The following TMEM123 variants were observed in gnomAD, a reference collection of about 807,000 sequenced individuals.
TMEM123 encodes transmembrane protein 123.
TMEM123 carries 16 observed loss-of-function variants against 19.7 expected under a neutral mutation model. That is an observed-to-expected ratio of 0.81 (90% CI 0.55 to 1.23). The LOEUF is 1.23. Among genes scored for constraint, TMEM123 ranks in the 50% most tolerant of loss-of-function variants. TMEM123 has a pLI of 0.00. For synonymous variants in TMEM123, 118 were observed against 99.4 expected, an observed-to-expected ratio of 1.19 and a Z score of -1.12; for missense variants, 313 against 257.8, an observed-to-expected ratio of 1.21 and a Z score of -1.47.
intron 4 of TMEM123, among the ~76,000 whole-genome samples, chr11:102,400,475 C>T (rs549888466): frequency 9.2e-5 from 14 of 152,314 alleles, no homozygotes; most frequent in African/African-American, 3.1e-4. Flanking sequence ...GTGTGTGGGA[C>T]ACATGTATGT....
chr11:102,423,902 C>T (rs931108244), intron 2 of TMEM123, among the ~76,000 whole-genome samples: 3 of 151,960 alleles, frequency 2.0e-5, no homozygotes, highest in Non-Finnish European at 4.4e-5. Flanking sequence ...TTATTAACTC[C>T]TACAATTTTT....
At chr11:102,432,467 A>G (rs1405472875) in intron 2 of TMEM123, among the ~76,000 whole-genome samples, 1 of 152,196 alleles carries the variant, frequency 6.6e-6, no homozygotes, top group Non-Finnish European at 1.5e-5. Context: ...TGGAACTAGA[A>G]CTCGAGAGAC....
At position 102,398,755 on chromosome 11, in the gene TMEM123, G is replaced by T; in HGVS notation, c.*112C>A. ...GTAATACACTGTACATTATATGCAT[G>T]GCCTGTTTATACTATTTTCAAAAAG... is the stretch of plus-strand genomic sequence containing the variant. On this transcript the variant is annotated 3_prime_UTR_variant, in exon 5 of 5. Transcript: ENST00000398136. 1 of 1,042,668 alleles carries T rather than the reference G, an allele frequency of 9.6e-7. No homozygotes were observed. The allele number at this position is 1,042,668 out of a possible 1,614,324, so 64.6% of individuals were successfully genotyped here.
In TMEM123 at chr11:102,397,267, G is replaced by C. The variant is rs572008819; in HGVS notation, c.*1600C>G. On this transcript the variant is annotated 3_prime_UTR_variant, in exon 5 of 5. Transcript: ENST00000398136. ...CATTTCAAAATTCTTAATATCTAGC[G>C]TTCTCTGTAAAACAAAAGCTGACAA... 6.6e-6 allele frequency: 1 copy of C among 151,964 alleles called. No homozygotes were observed. Among genetic ancestry groups the C allele is most frequent in the African/African-American group, 2.4e-5 (1 of 41,372 alleles). The allele number at this position is 151,964 out of a possible 1,614,324, so 9.4% of individuals were successfully genotyped here. A position where few individuals can be genotyped will look rare whatever the true frequency, so the allele number is the denominator to read the frequency against.
rs76884692 is a variant in TMEM123, at chr11:102,426,832, C to T, written c.157+21980G>A. Among the ~76,000 whole-genome samples, 307 of 119,098 alleles carry T rather than the reference C, an allele frequency of 2.6e-3. 2 individuals are homozygous for T. The highest frequency in any genetic ancestry group is 9.5e-3 in the African/African-American group (299 of 31,544). 78.1% of individuals were successfully genotyped at this position (119,098 alleles called of 152,430 possible). On this transcript the variant is annotated intron_variant, in intron 2 of 4. Transcript: ENST00000398136. ...AAGACAAAGATACAGATTGAATAAA[C>T]TCATGGCTTAATGTTTTTAAAGTAG...
chr11:102,396,994 ATC>A lies in TMEM123; in HGVS notation c.*1871_*1872del. On this transcript the variant is annotated 3_prime_UTR_variant, in exon 5 of 5. Coordinates refer to ENST00000398136, the MANE Select transcript of TMEM123 (RefSeq NM_052932.3). ...AAAGGCCTTCATTAGAATAAAGTAT[ATC>A]TTAACTACATTTTGCAAAGAAATGA... 6.6e-6 allele frequency: 1 copy of A among 151,502 alleles called. No homozygotes were observed. Among genetic ancestry groups the A allele is most frequent in the South Asian group, 2.1e-4 (1 of 4,830 alleles). 9.4% of individuals were successfully genotyped at this position (151,502 alleles called of 1,614,324 possible). A position where few individuals can be genotyped will look rare whatever the true frequency, so the allele number is the denominator to read the frequency against.
chr11:102,399,055 G>A (rs1951886757), intron 4 of TMEM123, among the ~76,000 whole-genome samples, 164 bp from the exon 5 acceptor site: 1 of 152,214 alleles, frequency 6.6e-6, no homozygotes. Context: ...TACTGTAGTG[G>A]TTAAAGATCT....
At chr11:102,405,304 A>G (rs751373237) in intron 2 of TMEM123, among the ~76,000 whole-genome samples, 3 of 151,596 alleles carry the variant, frequency 2.0e-5, no homozygotes, top group East Asian at 2.0e-4. Context: ...TGCCCGCCTC[A>G]GCCTCCCAAA....
Position 102,402,069 on chromosome 11 carries a change from T to C in TMEM123, c.295A>G (p.Thr99Ala), listed in dbSNP as rs112040237. The change falls in exon 3 of 5, where the codon ACA (threonine) becomes GCA (alanine). Residue 99 changes from threonine to alanine, a missense_variant. By Grantham distance (58) the Thr-to-Ala change is moderately conservative (BLOSUM62 0). Coordinates refer to ENST00000398136, the MANE Select transcript of TMEM123 (RefSeq NM_052932.3). Reference sequence around the variant, plus strand: ...ATATTTGTTGAGACCATCCCTGGTGTTGTTGTATTAGATGCCGCTGTAGGT... The same window carrying C: ...ATATTTGTTGAGACCATCCCTGGTGCTGTTGTATTAGATGCCGCTGTAGGT... ...MKPTAASNTT[T>A]PGMVSTNMTS... 3.6e-5 allele frequency: 58 copies of C among 1,613,660 alleles called. No homozygotes were observed. In the East Asian group the frequency reaches 5.1e-4, roughly 14 times the overall value.
rs376419587 is a variant in TMEM123, at chr11:102,452,659, C to T, written c.-36G>A. On this transcript the variant is annotated 5_prime_UTR_variant, in exon 1 of 5. Coordinates refer to ENST00000398136, the MANE Select transcript of TMEM123 (RefSeq NM_052932.3). ...GCAGGATGCGGCAGCCTCGTGGGCT[C>T]CCAGCCGAGGTGGCGGCGGCGAGAG... 8.6e-5 allele frequency: 122 copies of T among 1,420,132 alleles called. No homozygotes were observed. In the African/African-American group the frequency reaches 1.6e-3, roughly 19 times the overall value. The allele number at this position is 1,420,132 out of a possible 1,614,324, so 88.0% of individuals were successfully genotyped here.
chr11:102,433,206 A>G (rs1857730645), intron 2 of TMEM123, among the ~76,000 whole-genome samples: 1 of 151,914 alleles, frequency 6.6e-6, no homozygotes, highest in South Asian at 2.1e-4. Context: ...GTGTCTGGAA[A>G]AGCCACAGAC....
At chr11:102,398,922 G>A (rs1233126357) in intron 4 of TMEM123, 31 bp from the exon 5 acceptor site, 2 of 1,591,276 alleles carry the variant, frequency 1.3e-6, no homozygotes, top group Admixed American at 1.8e-5. Context: ...CAATTACTTT[G>A]TTTTGTTTTT....
Position 102,401,591 on chromosome 11 carries a change from AAAG to A in TMEM123, c.547_549del (p.Leu183del). Reference sequence around the variant, plus strand: ...GAGTAATACATTTTGCATCCAATGTAAAGAATAGATAAAACTCCCAGCGTTAAT... The same window carrying A: ...GAGTAATACATTTTGCATCCAATGTAAATAGATAAAACTCCCAGCGTTAAT... On this transcript the variant is annotated inframe_deletion, in exon 4 of 5. Transcript: ENST00000398136. 1 of 1,602,594 alleles carries A rather than the reference AAAG, an allele frequency of 6.2e-7. No individual in the cohort carries two copies. Among genetic ancestry groups the A allele is most frequent in the Non-Finnish European group, 8.5e-7 (1 of 1,177,348 alleles).
At chr11:102,448,505 T>C in intron 2 of TMEM123, 2 of 341,886 alleles carry the variant, frequency 5.8e-6, no homozygotes. Context: ...ACATTTCATA[T>C]CTACAGGCAA....
At chr11:102,439,234 G>C (rs532871680) in intron 2 of TMEM123, among the ~76,000 whole-genome samples, 9 of 152,214 alleles carry the variant, frequency 5.9e-5, no homozygotes, top group African/African-American at 1.9e-4. Flanking sequence ...TGACAGCTTT[G>C]AAGAGAGCAG....
At chr11:102,436,351 C>A (rs965939184) in intron 2 of TMEM123, among the ~76,000 whole-genome samples, 7 of 151,808 alleles carry the variant, frequency 4.6e-5, no homozygotes, top group African/African-American at 1.7e-4. Context: ...TTAGTAGAGA[C>A]AAGGTTTTGC....
In TMEM123 at chr11:102,397,871, A is replaced by G. The variant is rs1489010364; in HGVS notation, c.*996T>C. 6.6e-6 allele frequency: 1 copy of G among 152,206 alleles called. No homozygotes were observed. Among genetic ancestry groups the G allele is most frequent in the Admixed American group, 6.5e-5 (1 of 15,284 alleles). 9.4% of individuals were successfully genotyped at this position (152,206 alleles called of 1,614,324 possible). A position where few individuals can be genotyped will look rare whatever the true frequency, so the allele number is the denominator to read the frequency against. ...TATAGTTTTGACTCTATAGAATTCTAAATGTTCTTTTGAAAATCATACAAG... is the reference window on the plus strand; with the variant it reads ...TATAGTTTTGACTCTATAGAATTCTGAATGTTCTTTTGAAAATCATACAAG... On this transcript the variant is annotated 3_prime_UTR_variant, in exon 5 of 5. Transcript: ENST00000398136.
At chr11:102,446,462 T>C (rs1857884278) in intron 2 of TMEM123, among the ~76,000 whole-genome samples, 1 of 152,186 alleles carries the variant, frequency 6.6e-6, no homozygotes, top group African/African-American at 2.4e-5. Flanking sequence ...TATATTACTG[T>C]ATAAACAGAA....
chr11:102,444,751 A>G (rs1270003669), intron 2 of TMEM123, among the ~76,000 whole-genome samples: 3 of 152,130 alleles, frequency 2.0e-5, no homozygotes, highest in African/African-American at 7.2e-5. Flanking sequence ...TCACAATAGC[A>G]AAGACTTGGA....
Sources: allele counts gnomAD v4.1 joint callset (sites outside exome capture counted in the v4.1 genomes callset), GRCh38; gene constraint gnomAD v4.1.1; transcripts MANE v1.5; gene names NCBI Gene and HGNC (gene_info 2026-07-23, HGNC 2026-07-21).